CDK14: variants seen among roughly 807,000 people sequenced by gnomAD.
CDK14 encodes the protein cyclin-dependent kinase 14.
A neutral mutation model predicts 60.7 loss-of-function variants in CDK14; 34 were observed. The ratio of observed to expected loss-of-function variants is 0.56; its 90% CI spans 0.43 to 0.75. The LOEUF (loss-of-function observed/expected upper bound fraction) is 0.75. Among genes scored for constraint, CDK14 ranks in the 30% least tolerant of loss-of-function variants. The pLI, the probability that CDK14 is intolerant of heterozygous loss-of-function variation, is 0.00. For synonymous variants in CDK14, 197 were observed against 203.7 expected, an observed-to-expected ratio of 0.97 and a Z score of 0.28; for missense variants, 482 against 564.1, an observed-to-expected ratio of 0.85 and a Z score of 1.47.
At chr7:91,077,850 A>G (rs952360475) in intron 11 of CDK14, among the ~76,000 whole-genome samples, 2 of 152,114 alleles carry the variant, frequency 1.3e-5, no homozygotes, top group African/African-American at 4.8e-5. Flanking sequence ...TGGTACCTTG[A>G]TAAAAAACCA....
chr7:91,041,309 C>T (rs1797084556), intron 10 of CDK14, among the ~76,000 whole-genome samples: 1 of 151,960 alleles, frequency 6.6e-6, no homozygotes, highest in Non-Finnish European at 1.5e-5. Context: ...TATTTGTTAC[C>T]ATATGTGTGC....
intron 5 of CDK14, among the ~76,000 whole-genome samples, chr7:90,815,497 A>G (rs1462544230): frequency 6.6e-6 from 1 of 152,228 alleles, no homozygotes; most frequent in East Asian, 1.9e-4. Context: ...ACCATTGTGG[A>G]ATGCAGTATG....
chr7:90,875,476 T>C (rs1217409791), intron 6 of CDK14, among the ~76,000 whole-genome samples: 1 of 152,120 alleles, frequency 6.6e-6, no homozygotes, highest in East Asian at 1.9e-4. Context: ...CAACCAGCAG[T>C]GTATAGGGGT....
At chr7:90,992,909 G>A (rs1414716201) in intron 10 of CDK14, among the ~76,000 whole-genome samples, 3 of 152,160 alleles carry the variant, frequency 2.0e-5, no homozygotes, top group Admixed American at 6.6e-5. Flanking sequence ...AAGTACAACT[G>A]AATACGTATT....
intron 2 of CDK14, among the ~76,000 whole-genome samples, chr7:90,630,766 G>A (rs1452849668): frequency 2.0e-5 from 3 of 151,910 alleles, no homozygotes; most frequent in Admixed American, 1.3e-4. Context: ...AGAATATTCA[G>A]GTGAATTTTT....
chr7:90,702,969 A>T (rs186758154), intron 2 of CDK14, among the ~76,000 whole-genome samples: 1 of 151,794 alleles, frequency 6.6e-6, no homozygotes, highest in Admixed American at 6.6e-5. Flanking sequence ...AATAAAACTC[A>T]CTTATAACCC....
intron 2 of CDK14, among the ~76,000 whole-genome samples, chr7:90,649,422 C>T (rs13306926): frequency 0.027 from 1,684 of 61,936 alleles, 212 homozygotes; most frequent in East Asian, 0.17. Flanking sequence ...TCTTTCTTTC[C>T]TTCTTTCTTT....
chr7:90,904,834 C>T (rs961159723), intron 7 of CDK14, among the ~76,000 whole-genome samples: 4 of 152,084 alleles, frequency 2.6e-5, no homozygotes, highest in Non-Finnish European at 5.9e-5. Context: ...GTTTACTCCA[C>T]GGGATCAAGA....
At chr7:90,949,918 A>G (rs946263059) in intron 8 of CDK14, among the ~76,000 whole-genome samples, 3 of 152,120 alleles carry the variant, frequency 2.0e-5, no homozygotes, top group Non-Finnish European at 4.4e-5. Context: ...AGGGCGCCCA[A>G]TTTTCTGGAA....
At chr7:90,945,002 A>G (rs1339071987) in intron 8 of CDK14, among the ~76,000 whole-genome samples, 1 of 152,208 alleles carries the variant, frequency 6.6e-6, no homozygotes, top group African/African-American at 2.4e-5. Flanking sequence ...ATTACAGGAT[A>G]TGAGACCATG....
intron 10 of CDK14, among the ~76,000 whole-genome samples, chr7:90,992,462 A>C (rs943200050): frequency 6.6e-6 from 1 of 152,216 alleles, no homozygotes; most frequent in African/African-American, 2.4e-5. Flanking sequence ...AGGAGACCGC[A>C]GTACACAAAA....
At chr7:90,893,091 G>C (rs1007630963) in intron 6 of CDK14, among the ~76,000 whole-genome samples, 3 of 152,104 alleles carry the variant, frequency 2.0e-5, no homozygotes, top group Non-Finnish European at 4.4e-5. Context: ...TGAGTCTTCA[G>C]AGCCTCTTTC....
intron 12 of CDK14, among the ~76,000 whole-genome samples, chr7:91,097,593 G>GAA (rs59233309): frequency 7.0e-4 from 104 of 148,152 alleles, no homozygotes; most frequent in Admixed American, 1.4e-3. Context: ...TTCATAATGA[G>GAA]AAAAAAAAAA....
chr7:91,060,751 G>C (rs1450199016), intron 11 of CDK14, among the ~76,000 whole-genome samples: 3 of 152,186 alleles, frequency 2.0e-5, no homozygotes, highest in Admixed American at 1.3e-4. Flanking sequence ...GGCTTGTAGA[G>C]TTTCTGCCGA....
intron 10 of CDK14, among the ~76,000 whole-genome samples, chr7:90,986,434 T>G (rs1282199618): frequency 6.6e-6 from 1 of 152,044 alleles, no homozygotes; most frequent in Non-Finnish European, 1.5e-5. Context: ...AGAAAATCTC[T>G]TATTCACTTT....
intron 10 of CDK14, among the ~76,000 whole-genome samples, chr7:91,021,715 G>A (rs1242483761): frequency 2.0e-5 from 3 of 152,090 alleles, no homozygotes; most frequent in Non-Finnish European, 4.4e-5. Context: ...AAATTTTGTG[G>A]AACACCTTGT....
chr7:91,188,662 A>G (rs1288055203), intron 14 of CDK14, among the ~76,000 whole-genome samples: 2 of 152,222 alleles, frequency 1.3e-5, no homozygotes, highest in Non-Finnish European at 2.9e-5. Flanking sequence ...GCCAAGCCCA[A>G]ATCGTCTGTC....
At chr7:91,084,011 A>G (rs1798557951) in intron 12 of CDK14, among the ~76,000 whole-genome samples, 1 of 152,256 alleles carries the variant, frequency 6.6e-6, no homozygotes, top group Non-Finnish European at 1.5e-5. Context: ...TTTGCAATGT[A>G]CATTGTCACA....
At chr7:91,074,153 TAGAC>T (rs1317267980) in intron 11 of CDK14, among the ~76,000 whole-genome samples, 1 of 152,206 alleles carries the variant, frequency 6.6e-6, no homozygotes, top group Non-Finnish European at 1.5e-5. Flanking sequence ...GTGGACCTAA[TAGAC>T]AGCTACAGAA....
Sources: allele counts gnomAD v4.1 joint callset (sites outside exome capture counted in the v4.1 genomes callset), GRCh38; gene constraint gnomAD v4.1.1; transcripts MANE v1.5; gene names NCBI Gene and HGNC (gene_info 2026-07-23, HGNC 2026-07-21).